The following SHISA7 variants were observed in gnomAD, a reference collection of about 807,000 sequenced individuals.
SHISA7 encodes the protein shisa family member 7.
A neutral mutation model predicts 23.9 loss-of-function variants in SHISA7; 6 were observed. The ratio of observed to expected loss-of-function variants is 0.25; its 90% confidence interval spans 0.14 to 0.50. The LOEUF (loss-of-function observed/expected upper bound fraction) is 0.50. Ranked by LOEUF, SHISA7 falls within the 20% of genes least tolerant of loss-of-function variation. SHISA7 has a pLI of 0.98. For synonymous variants in SHISA7, 386 were observed against 398.3 expected, an observed-to-expected ratio of 0.97 and a Z score of 0.37; for missense variants, 671 against 801.1, an observed-to-expected ratio of 0.84 and a Z score of 1.96.
At chr19:55,436,160 G>C (rs776263401) in intron 3 of SHISA7, among the ~76,000 whole-genome samples, 70 of 151,572 alleles carry the variant, frequency 4.6e-4, no homozygotes, top group Non-Finnish European at 8.8e-4. Context: ...GGTGGCATGT[G>C]CCTGTAATCC....
At chr19:55,434,435 GGTGTGTGT>G (rs1278364409) in intron 3 of SHISA7, among the ~76,000 whole-genome samples, 5 of 126,614 alleles carry the variant, frequency 3.9e-5, no homozygotes, top group South Asian at 2.9e-4. Flanking sequence ...GTGTGTGTGT[GGTGTGTGT>G]GTGTGGGTGT....
In SHISA7 at chr19:55,432,645, T is replaced by C. The variant is rs573117812; in HGVS notation, c.*511A>G. The C allele has an allele frequency of 3.0e-4, 46 of 153,208 alleles. No individual in the cohort carries two copies. The highest frequency in any genetic ancestry group is 5.7e-4 in the Non-Finnish European group (39 of 68,364). The allele number at this position is 153,208 out of a possible 1,614,324, so 9.5% of individuals were successfully genotyped here. ...ACACAGGGAGAAAATATCTTCCCCA[T>C]GGCGATGATGCCAAAAGAGGCCTTG... On this transcript the variant is annotated 3_prime_UTR_variant, in exon 4 of 4. Coordinates refer to ENST00000376325, the MANE Select transcript of SHISA7 (RefSeq NM_001145176.2). This position sits in a 1 kb window ranked among gnomAD's most constrained non-coding sequence, Gnocchi z 4.6.
chr19:55,440,782 G>A lies in SHISA7; in HGVS notation c.672-17C>T. ...ACCAGAGCTCTAAAGGTGGCAGAGA[G>A]GTGGTCAAAGGCCTGGGGGCTGAGG... On this transcript the variant is annotated splice_polypyrimidine_tract_variant and intron_variant, in intron 1 of 3. Transcript: ENST00000376325. 8.1e-7 allele frequency: 1 copy of A among 1,239,032 alleles called. No homozygotes were observed. The highest frequency in any genetic ancestry group is 1.0e-6 in the Non-Finnish European group (1 of 988,170). The allele number at this position is 1,239,032 out of a possible 1,614,324, so 76.8% of individuals were successfully genotyped here. A position where few individuals can be genotyped will look rare whatever the true frequency, so the allele number is the denominator to read the frequency against.
chr19:55,440,483 C>T, intron 2 of SHISA7, 128 bp downstream of exon 2: 1 of 900,428 alleles, frequency 1.1e-6, no homozygotes, highest in Non-Finnish European at 1.5e-6. Context: ...CCCGGCAGTG[C>T]AAGGCGGGCG....
At chr19:55,440,835 T>C (rs980714886) in intron 1 of SHISA7, 70 bp from the exon 2 acceptor site, 10 of 1,213,892 alleles carry the variant, frequency 8.2e-6, no homozygotes, top group African/African-American at 3.1e-5. Context: ...AAGGCTTCTT[T>C]CCGCTCCCTG....
chr19:55,442,828 A>C lies in SHISA7; in HGVS notation c.36T>G (p.Ser12=). Reference sequence around the variant, plus strand: ...GGCGCGCCCTGGCCTGGCCGGCGCTAGAGGCCAGGAGTACGAGGAGCAGGA... The same window carrying C: ...GGCGCGCCCTGGCCTGGCCGGCGCTCGAGGCCAGGAGTACGAGGAGCAGGA... ...PALLLLVLLA[S]SAGQARARPS... Residue 12 remains serine (S), a synonymous_variant, in exon 1 of 4, where the codon TCT becomes TCG. Transcript: ENST00000376325. 1.4e-6 allele frequency: 2 copies of C among 1,380,594 alleles called. No homozygotes were observed. The highest frequency in any genetic ancestry group is 1.5e-5 in the South Asian group (1 of 65,708). The allele number at this position is 1,380,594 out of a possible 1,614,324, so 85.5% of individuals were successfully genotyped here.
chr19:55,442,891 G>A lies in SHISA7; in HGVS notation c.-28C>T. ...GGCTTGCAGGGGGTCGCACTGGGCCGCCAGGCTGCGGGGAGAACGAGAGCA... is the reference window on the plus strand; with the variant it reads ...GGCTTGCAGGGGGTCGCACTGGGCCACCAGGCTGCGGGGAGAACGAGAGCA... On this transcript the variant is annotated 5_prime_UTR_variant, in exon 1 of 4. Transcript: ENST00000376325. 4 of 1,305,024 alleles carry A rather than the reference G, an allele frequency of 3.1e-6. No homozygotes were observed. Among genetic ancestry groups the A allele is most frequent in the South Asian group, 3.9e-5 (2 of 51,076 alleles). 80.8% of individuals were successfully genotyped at this position (1,305,024 alleles called of 1,614,324 possible).
intron 2 of SHISA7, among the ~76,000 whole-genome samples, chr19:55,439,894 C>T (rs1428899900): frequency 1.3e-5 from 2 of 152,080 alleles, no homozygotes; most frequent in African/African-American, 4.8e-5. Flanking sequence ...GCCCCCAAAC[C>T]AGACCACATC....
intron 3 of SHISA7, among the ~76,000 whole-genome samples, chr19:55,434,966 TGTG>T (rs1221615921): frequency 7.5e-6 from 1 of 132,914 alleles, no homozygotes; most frequent in African/African-American, 2.9e-5. Context: ...TGTGGGTGTG[TGTG>T]GTGTGTGTGG....
intron 3 of SHISA7, among the ~76,000 whole-genome samples, chr19:55,436,558 A>G (rs1278935043): frequency 6.6e-6 from 1 of 151,372 alleles, no homozygotes; most frequent in Non-Finnish European, 1.5e-5. Flanking sequence ...AGCCAAGATC[A>G]TGCCACTGCT....
chr19:55,434,413 TGTGTGTGTATG>T (rs1400935151), intron 3 of SHISA7, among the ~76,000 whole-genome samples: 1 of 125,272 alleles, frequency 8.0e-6, no homozygotes, highest in African/African-American at 3.0e-5. Flanking sequence ...GTGTGTGTGG[TGTGTGTGTATG>T]GTGTGTGTGT....
At chr19:55,434,686 GTGTA>G (rs1985347225) in intron 3 of SHISA7, among the ~76,000 whole-genome samples, 1 of 122,834 alleles carries the variant, frequency 8.1e-6, no homozygotes, top group Non-Finnish European at 1.7e-5. Context: ...TGTGGTGTGT[GTGTA>G]TGGTGCGTGT....
intron 2 of SHISA7, chr19:55,438,726 C>T (rs1430622814): frequency 1.0e-6 from 1 of 977,722 alleles, no homozygotes; most frequent in Non-Finnish European, 1.4e-6. Context: ...CCAAGGTCGG[C>T]CCCACATGCA....
Position 55,433,110 on chromosome 19 carries a change from G to T in SHISA7, c.*46C>A. 6.7e-7 allele frequency: 1 copy of T among 1,489,960 alleles called. No individual in the cohort carries two copies. The highest frequency in any genetic ancestry group is 1.3e-5 in the South Asian group (1 of 79,046). 92.3% of individuals were successfully genotyped at this position (1,489,960 alleles called of 1,614,324 possible). The stretch of plus-strand genomic sequence containing the variant: ...GCCTGTGTCGGGGGATCCAGGCTGG[G>T]ACGGGGGGCCCGGGAGGCCGCAGCC... On this transcript the variant is annotated 3_prime_UTR_variant, in exon 4 of 4. Coordinates refer to ENST00000376325, the MANE Select transcript of SHISA7 (RefSeq NM_001145176.2). The surrounding 1 kb of genome is among the most constrained non-coding windows in gnomAD (Gnocchi z 8.4).
rs893261546 is a variant in SHISA7, at chr19:55,433,063, C to G, written c.*93G>C. Reference sequence around the variant, plus strand: ...CTCCTGTCCAAGGGCCGATCTGGGCCCCAGGCCCCTGGCATGTGTGCGCCT... The same window carrying G: ...CTCCTGTCCAAGGGCCGATCTGGGCGCCAGGCCCCTGGCATGTGTGCGCCT... On this transcript the variant is annotated 3_prime_UTR_variant, in exon 4 of 4. Transcript: ENST00000376325. This position sits in a 1 kb window ranked among gnomAD's most constrained non-coding sequence, Gnocchi z 8.4. 5.7e-6 allele frequency: 8 copies of G among 1,392,438 alleles called. No individual in the cohort carries two copies. Among genetic ancestry groups the G allele is most frequent in the Admixed American group, 3.1e-5 (1 of 32,474 alleles). 86.3% of individuals were successfully genotyped at this position (1,392,438 alleles called of 1,614,324 possible). A position where few individuals can be genotyped will look rare whatever the true frequency, so the allele number is the denominator to read the frequency against.
intron 3 of SHISA7, among the ~76,000 whole-genome samples, chr19:55,436,325 G>A (rs1985458043): frequency 6.6e-6 from 1 of 151,552 alleles, no homozygotes; most frequent in Non-Finnish European, 1.5e-5. Context: ...AACAAAAAAC[G>A]CCGGGCATAG....
chr19:55,435,326 T>G (rs533843018), intron 3 of SHISA7, among the ~76,000 whole-genome samples: 7 of 131,174 alleles, frequency 5.3e-5, no homozygotes, highest in Admixed American at 4.0e-4. Flanking sequence ...TGTGTGGGTG[T>G]GTGTGGTGTG....
intron 2 of SHISA7, chr19:55,438,673 C>T (rs1234883806): frequency 7.8e-7 from 1 of 1,289,944 alleles, no homozygotes; most frequent in Non-Finnish European, 1.0e-6. Flanking sequence ...TCACTGACTC[C>T]CAGCTGGCAC....
intron 3 of SHISA7, among the ~76,000 whole-genome samples, chr19:55,435,335 T>TG (rs1568451221): frequency 7.7e-6 from 1 of 129,930 alleles, no homozygotes; most frequent in African/African-American, 2.9e-5. Context: ...GTGTGTGGTG[T>TG]GTGTGTATGG....
Sources: gnomAD v4.1 joint callset for allele counts (sites outside exome capture counted in the v4.1 genomes callset) on GRCh38, gnomAD v4.1.1 for gene constraint, Gnocchi (gnomAD v3.1) non-coding constraint, MANE v1.5 for transcripts, NCBI Gene and HGNC (gene_info 2026-07-23, HGNC 2026-07-21) for gene names.